Variants in TMEM132D observed in about 807,000 individuals in gnomAD.
TMEM132D encodes transmembrane protein 132D, also known as mature OL transmembrane protein.
A neutral mutation model predicts 62.3 loss-of-function variants in TMEM132D; 21 were observed. The ratio of observed to expected loss-of-function variants is 0.34; its 90% CI spans 0.24 to 0.49. The LOEUF is 0.49. Among genes scored for constraint, TMEM132D ranks in the 20% least tolerant of loss-of-function variants. TMEM132D has a pLI of 0.99. For synonymous variants in TMEM132D, 621 were observed against 575.6 expected (o/e 1.08, Z -1.13); for missense variants, 1,346 against 1,402.8 (o/e 0.96, Z 0.65).
intron 5 of TMEM132D, among the ~76,000 whole-genome samples, chr12:129,173,878 G>A (rs764025568): frequency 1.3e-5 from 2 of 152,164 alleles, no homozygotes; most frequent in East Asian, 3.9e-4. Flanking sequence ...CTGAGGAGGT[G>A]ATGAAAATCT....
intron 2 of TMEM132D, among the ~76,000 whole-genome samples, chr12:129,663,119 T>A (rs1443500876): frequency 6.6e-6 from 1 of 151,838 alleles, no homozygotes; most frequent in African/African-American, 2.4e-5. Context: ...GCAAAAGGCA[T>A]AGCCCAGCAA....
intron 3 of TMEM132D, among the ~76,000 whole-genome samples, chr12:129,426,949 A>G (rs1872518071): frequency 6.6e-6 from 1 of 152,230 alleles, no homozygotes; most frequent in Non-Finnish European, 1.5e-5. Flanking sequence ...AGAGATACAC[A>G]GCTAGAGAGC....
intron 3 of TMEM132D, among the ~76,000 whole-genome samples, chr12:129,389,535 A>T (rs929702393): frequency 6.6e-6 from 1 of 152,124 alleles, no homozygotes; most frequent in Non-Finnish European, 1.5e-5. Context: ...CAACACCAAC[A>T]CTAACAATAA....
chr12:129,384,959 G>T (rs994076733), intron 3 of TMEM132D, among the ~76,000 whole-genome samples: 1 of 151,956 alleles, frequency 6.6e-6, no homozygotes, highest in Non-Finnish European at 1.5e-5. Context: ...CAACAGAAAT[G>T]TGTGTTTACT....
intron 5 of TMEM132D, among the ~76,000 whole-genome samples, chr12:129,129,688 T>C (rs1228085517): frequency 6.6e-6 from 1 of 152,202 alleles, no homozygotes; most frequent in African/African-American, 2.4e-5. Flanking sequence ...ATATTCTGAC[T>C]GGTGAGAGAT....
intron 1 of TMEM132D, among the ~76,000 whole-genome samples, chr12:129,814,107 CAT>C (rs1872273329): frequency 6.6e-6 from 1 of 152,068 alleles, no homozygotes; most frequent in Admixed American, 6.5e-5. Context: ...CAACCACAGA[CAT>C]ACAAACACTG....
At chr12:129,483,312 T>C (rs529577447) in intron 3 of TMEM132D, among the ~76,000 whole-genome samples, 2 of 152,322 alleles carry the variant, frequency 1.3e-5, no homozygotes, top group South Asian at 4.1e-4. Flanking sequence ...TTTGAAAAAG[T>C]ACAGACGCTT....
At chr12:129,514,363 C>G (rs748241971) in intron 3 of TMEM132D, among the ~76,000 whole-genome samples, 1 of 152,156 alleles carries the variant, frequency 6.6e-6, no homozygotes, top group Non-Finnish European at 1.5e-5. Flanking sequence ...CAGAGAGACT[C>G]TTAACTGATA....
chr12:129,777,691 T>C (rs904635811), intron 1 of TMEM132D, among the ~76,000 whole-genome samples: 7 of 152,122 alleles, frequency 4.6e-5, no homozygotes, highest in African/African-American at 1.7e-4. Flanking sequence ...TCAGAGGAAT[T>C]TCCTCTTTTC....
intron 2 of TMEM132D, among the ~76,000 whole-genome samples, chr12:129,608,953 T>TC (rs1878696981): frequency 6.6e-6 from 1 of 151,404 alleles, no homozygotes; most frequent in Non-Finnish European, 1.5e-5. Flanking sequence ...TCTTTTTTTT[T>TC]TTTTTGAGAT....
At chr12:129,137,139 C>CCACCACCA (rs1876601422) in intron 5 of TMEM132D, among the ~76,000 whole-genome samples, 1 of 33,436 alleles carries the variant, frequency 3.0e-5, no homozygotes, top group African/African-American at 5.4e-5. Flanking sequence ...ATCACCATCA[C>CCACCACCA]TATCATTGTC....
At position 129,371,375 on chromosome 12, in the gene TMEM132D, GTGA is replaced by G. The variant is rs1485991485; in HGVS notation, c.1116-33561_1116-33559del. Among the ~76,000 whole-genome samples, 4 of 151,738 alleles carry G rather than the reference GTGA, an allele frequency of 2.6e-5. No individual in the cohort carries two copies. Among genetic ancestry groups the G allele is most frequent in the Non-Finnish European group, 5.9e-5 (4 of 67,922 alleles). ...TGGTGACAATAATGATGTGATGATGGTGATGATGAATGATGATGGTGGTGATTA... is the reference window on the plus strand; with the variant it reads ...TGGTGACAATAATGATGTGATGATGGTGATGAATGATGATGGTGGTGATTA... On this transcript the variant is annotated intron_variant, in intron 3 of 8. Coordinates refer to ENST00000422113, the MANE Select transcript of TMEM132D (RefSeq NM_133448.3). The surrounding 1 kb of genome is among the most constrained non-coding windows in gnomAD (Gnocchi z 4.3).
At chr12:129,442,114 A>T (rs1872954229) in intron 3 of TMEM132D, among the ~76,000 whole-genome samples, 1 of 152,288 alleles carries the variant, frequency 6.6e-6, no homozygotes, top group South Asian at 2.1e-4. Flanking sequence ...AAACCTACAC[A>T]TGTACCCCCG....
Position 129,071,810 on chromosome 12 carries a change from G to A in TMEM132D, c.*2065C>T, listed in dbSNP as rs935004882. On this transcript the variant is annotated 3_prime_UTR_variant, in exon 9 of 9. Coordinates refer to ENST00000422113, the MANE Select transcript of TMEM132D (RefSeq NM_133448.3). ...TTACAATCTACAGTACATTCTACAC[G>A]CAGATGGATTTGGAAGCGGGCAGCG... The A allele has an allele frequency of 1.3e-5, 2 of 152,144 alleles. No homozygotes were observed. The highest frequency in any genetic ancestry group is 2.4e-5 in the African/African-American group (1 of 41,422). The allele number at this position is 152,144 out of a possible 1,614,324, so 9.4% of individuals were successfully genotyped here. A position where few individuals can be genotyped will look rare whatever the true frequency, so the allele number is the denominator to read the frequency against.
At chr12:129,887,130 C>T (rs2137390823) in intron 1 of TMEM132D, among the ~76,000 whole-genome samples, 1 of 152,270 alleles carries the variant, frequency 6.6e-6, no homozygotes, top group East Asian at 1.9e-4. Flanking sequence ...TTTCTCCACT[C>T]TAAGAAACAC....
intron 1 of TMEM132D, among the ~76,000 whole-genome samples, chr12:129,750,377 G>A (rs57314326): frequency 0.031 from 4,744 of 152,208 alleles, 243 homozygotes; most frequent in African/African-American, 0.11. Flanking sequence ...GAGCTACCGC[G>A]CCCAGCCAGA....
chr12:129,272,020 C>T lies in TMEM132D; in HGVS notation c.1300-62357G>A, dbSNP rs1465822579. 2.6e-5 allele frequency among the ~76,000 whole-genome samples: 4 copies of T among 151,856 alleles called. 1 individual carries two copies. The highest frequency in any genetic ancestry group is 4.1e-4 in the South Asian group (2 of 4,820). The stretch of plus-strand genomic sequence containing the variant: ...CACAATGCTCCAACTAATTTATACT[C>T]CCACCCAACAGTGTAAAAGTGTTCC... On this transcript the variant is annotated intron_variant, in intron 4 of 8. Transcript: ENST00000422113.
At chr12:129,578,752 C>G (rs961445240) in intron 2 of TMEM132D, among the ~76,000 whole-genome samples, 1 of 152,050 alleles carries the variant, frequency 6.6e-6, no homozygotes, top group Non-Finnish European at 1.5e-5. Context: ...GTGATGAGGG[C>G]AGGAGACGAC....
At chr12:129,629,313 A>G (rs1171070792) in intron 2 of TMEM132D, among the ~76,000 whole-genome samples, 1 of 152,196 alleles carries the variant, frequency 6.6e-6, no homozygotes, top group African/African-American at 2.4e-5. Flanking sequence ...CCCTGGTGGC[A>G]CTTTCCAGAA....
Sources: allele counts gnomAD v4.1 joint callset (sites outside exome capture counted in the v4.1 genomes callset), GRCh38; gene constraint gnomAD v4.1.1; non-coding constraint Gnocchi (gnomAD v3.1); transcripts MANE v1.5; gene names NCBI Gene and HGNC (gene_info 2026-07-23, HGNC 2026-07-21).